Variants in GALNTL6 observed in about 807,000 individuals in gnomAD.
GALNTL6 encodes the protein polypeptide N-acetylgalactosaminyltransferase like 6.
Under a neutral mutation model 73.7 loss-of-function variants are expected in GALNTL6, and 46 were observed. The ratio of observed to expected loss-of-function variants is 0.62; its 90% CI spans 0.49 to 0.80. The LOEUF (loss-of-function observed/expected upper bound fraction) is 0.80. Among genes scored for constraint, GALNTL6 ranks in the 30% least tolerant of loss-of-function variants. GALNTL6 has a pLI of 0.00. For synonymous variants in GALNTL6, 259 were observed against 263.7 expected (o/e 0.98, Z 0.17); for missense variants, 604 against 755.0 (o/e 0.80, Z 2.34).
At chr4:172,883,149 A>C (rs753919189) in intron 8 of GALNTL6, among the ~76,000 whole-genome samples, 1 of 152,226 alleles carries the variant, frequency 6.6e-6, no homozygotes, top group Non-Finnish European at 1.5e-5. Context: ...TATACAATGC[A>C]TAATGATCAA....
chr4:172,380,196 C>A (rs1743228096), intron 5 of GALNTL6: 1 of 1,010,606 alleles, frequency 9.9e-7, no homozygotes, highest in East Asian at 2.4e-5. Context: ...ATCTGCAGGG[C>A]TGGGGACCAC....
intron 10 of GALNTL6, among the ~76,000 whole-genome samples, chr4:172,985,048 A>T (rs545187547): frequency 6.6e-6 from 1 of 152,190 alleles, no homozygotes; most frequent in South Asian, 2.1e-4. Context: ...GCTCTAAAAA[A>T]TAAACCAGGC....
At chr4:172,567,793 G>A (rs1342807824) in intron 5 of GALNTL6, among the ~76,000 whole-genome samples, 1 of 152,074 alleles carries the variant, frequency 6.6e-6, no homozygotes, top group Non-Finnish European at 1.5e-5. Context: ...CCAAGATAGT[G>A]CCACTTCACT....
intron 5 of GALNTL6, among the ~76,000 whole-genome samples, chr4:172,349,860 T>G (rs1001581446): frequency 6.6e-6 from 1 of 150,656 alleles, no homozygotes; most frequent in Non-Finnish European, 1.5e-5. Flanking sequence ...TTTTAAACTA[T>G]CAACCTGGTC....
At chr4:171,825,029 G>A (rs1351947824) in intron 2 of GALNTL6, among the ~76,000 whole-genome samples, 1 of 152,026 alleles carries the variant, frequency 6.6e-6, no homozygotes, top group Non-Finnish European at 1.5e-5. Flanking sequence ...CATATTTTTA[G>A]TTCTGTTCTT....
intron 2 of GALNTL6, among the ~76,000 whole-genome samples, chr4:172,165,697 A>T (rs1163029080): frequency 6.6e-6 from 1 of 152,204 alleles, no homozygotes; most frequent in Non-Finnish European, 1.5e-5. Context: ...AAAAGAAAAA[A>T]ATTCAAATAC....
chr4:172,882,814 CTT>C lies in GALNTL6; in HGVS notation c.950_951del (p.Phe317CysfsTer14). 2 of 1,612,456 alleles carry C rather than the reference CTT, an allele frequency of 1.2e-6. No individual in the cohort carries two copies. Among genetic ancestry groups the C allele is most frequent in the African/African-American group, 2.7e-5 (2 of 74,972 alleles). On this transcript the variant is annotated frameshift_variant, in exon 8 of 13. Coordinates refer to ENST00000506823, the MANE Select transcript of GALNTL6 (RefSeq NM_001034845.3). LOFTEE classifies it high-confidence loss of function. ...GGTCTCCTGTTATGGCTGGAGGTCT[CTT>C]TGCTGTGGATCGGAAATGGTTTTGG... ...FESPVMAGGL[F>X]AVDRKWFWEL... is the part of the protein sequence containing the mutation.
chr4:172,883,522 T>C (rs1189765552), intron 8 of GALNTL6, among the ~76,000 whole-genome samples: 1 of 152,038 alleles, frequency 6.6e-6, no homozygotes, highest in Non-Finnish European at 1.5e-5. Flanking sequence ...GCCACACACT[T>C]TTAAACAACC....
chr4:171,988,910 A>T (rs1326601322), intron 2 of GALNTL6, among the ~76,000 whole-genome samples: 1 of 152,040 alleles, frequency 6.6e-6, no homozygotes, highest in Admixed American at 6.5e-5. Flanking sequence ...GATGTGAAGG[A>T]GGCTTTGAAC....
Position 172,504,159 on chromosome 4 carries a change from C to CAAAAAACAAAAAAAAAAAA in GALNTL6, c.553+155476_553+155477insCAAAAAAAAAAAAAAAAAA, listed in dbSNP as rs1554031143. On this transcript the variant is annotated intron_variant, in intron 5 of 12. Transcript: ENST00000506823. The stretch of plus-strand genomic sequence containing the variant: ...TGGGCAACAGAGCGAGACTCTGTCT[C>CAAAAAACAAAAAAAAAAAA]AAAAAAAAAAAAAAAAAAAACTCAC... Among the ~76,000 whole-genome samples the CAAAAAACAAAAAAAAAAAA allele has an allele frequency of 9.7e-4, 5 of 5,154 alleles. 1 individual carries two copies. The highest frequency in any genetic ancestry group is 2.7e-3 in the African/African-American group (5 of 1,820). The allele number at this position is 5,154 out of a possible 152,430, so 3.4% of individuals were successfully genotyped here.
rs551606903 is a variant in GALNTL6, at chr4:172,633,116, G to A, written c.554-176245G>A. ...TAGGGCAGTGTGGAAGGGAAATGTG[G>A]GGTTGAAGCCCCCACACAGAGTCCC... On this transcript the variant is annotated intron_variant, in intron 5 of 12. Transcript: ENST00000506823. 9.1e-4 allele frequency among the ~76,000 whole-genome samples: 139 copies of A among 152,266 alleles called. 1 individual carries two copies. In the South Asian group the frequency reaches 0.021, roughly 23 times the overall value.
intron 5 of GALNTL6, among the ~76,000 whole-genome samples, chr4:172,438,461 A>G (rs1017258604): frequency 2.0e-5 from 3 of 151,976 alleles, no homozygotes; most frequent in Non-Finnish European, 4.4e-5. Context: ...ACAGCCCCTT[A>G]TCTCCAATCA....
intron 2 of GALNTL6, among the ~76,000 whole-genome samples, chr4:172,225,928 T>A (rs549048848): frequency 1.2e-3 from 179 of 152,314 alleles, no homozygotes; most frequent in African/African-American, 4.0e-3. Flanking sequence ...TTTCAGATGG[T>A]CTGATTTAGC....
intron 2 of GALNTL6, among the ~76,000 whole-genome samples, chr4:171,887,309 T>C (rs1388102008): frequency 6.6e-6 from 1 of 152,162 alleles, no homozygotes; most frequent in Non-Finnish European, 1.5e-5. Context: ...ACCATAGCAG[T>C]TGGGATACGA....
intron 5 of GALNTL6, among the ~76,000 whole-genome samples, chr4:172,740,233 C>T (rs1205900208): frequency 2.0e-5 from 3 of 152,024 alleles, no homozygotes; most frequent in African/African-American, 7.2e-5. Context: ...AGACACCACA[C>T]CAGGAATTTC....
chr4:171,950,568 C>T (rs144971461), intron 2 of GALNTL6, among the ~76,000 whole-genome samples: 3,232 of 151,144 alleles, frequency 0.021, 89 homozygotes, highest in East Asian at 0.06. Flanking sequence ...GCAACCTCTG[C>T]CCCCAGGTTC....
chr4:172,186,318 G>A (rs756554606), intron 2 of GALNTL6, among the ~76,000 whole-genome samples: 2 of 152,042 alleles, frequency 1.3e-5, no homozygotes, highest in Admixed American at 6.6e-5. Context: ...TGGAGAAATC[G>A]CTGTTGGGGC....
chr4:172,999,166 G>A (rs1027915359), intron 10 of GALNTL6, among the ~76,000 whole-genome samples: 2 of 152,182 alleles, frequency 1.3e-5, no homozygotes, highest in East Asian at 3.9e-4. Context: ...TGAGATTCAG[G>A]CCTCATTTGA....
intron 2 of GALNTL6, among the ~76,000 whole-genome samples, chr4:172,188,834 A>T (rs1483395452): frequency 1.3e-5 from 2 of 151,808 alleles, no homozygotes; most frequent in Non-Finnish European, 2.9e-5. Context: ...CCTCCTGAGG[A>T]AATGACAGAA....
Sources: gnomAD v4.1 joint callset for allele counts (sites outside exome capture counted in the v4.1 genomes callset) on GRCh38, gnomAD v4.1.1 for gene constraint, MANE v1.5 for transcripts, NCBI Gene and HGNC (gene_info 2026-07-23, HGNC 2026-07-21) for gene names.